The following SYT2 variants were observed in gnomAD, a reference collection of about 807,000 sequenced individuals.
SYT2 encodes synaptotagmin-2.
A neutral mutation model predicts 39.9 loss-of-function variants in SYT2; 15 were observed. The observed-to-expected ratio is 0.38, with a 90% CI of 0.25 to 0.58. SYT2 has a LOEUF of 0.58. Among genes scored for constraint, SYT2 ranks in the 20% least tolerant of loss-of-function variants. The pLI is 0.70. For synonymous variants in SYT2, 181 were observed against 204.5 expected, an observed-to-expected ratio of 0.89 and a Z score of 0.98; for missense variants, 389 against 530.3, an observed-to-expected ratio of 0.73 and a Z score of 2.62.
At chr1:202,662,951 T>C (rs1470390731) in intron 1 of SYT2, among the ~76,000 whole-genome samples, 1 of 152,230 alleles carries the variant, frequency 6.6e-6, no homozygotes, top group Non-Finnish European at 1.5e-5. Flanking sequence ...AATGAGCTTG[T>C]TCTTTCCCAG....
chr1:202,688,276 C>A (rs1653723203), intron 1 of SYT2, among the ~76,000 whole-genome samples: 1 of 152,218 alleles, frequency 6.6e-6, no homozygotes, highest in Admixed American at 6.5e-5. Flanking sequence ...TCCTCCAGCC[C>A]AGAAGTGTGA....
intron 1 of SYT2, among the ~76,000 whole-genome samples, chr1:202,608,353 T>C (rs1332388446): frequency 6.6e-6 from 1 of 151,560 alleles, no homozygotes; most frequent in East Asian, 1.9e-4. Flanking sequence ...AACCACTTAC[T>C]ACAGCCTCCA....
chr1:202,605,433 T>C (rs1478232631), intron 2 of SYT2, 162 bp downstream of exon 2: 16 of 567,802 alleles, frequency 2.8e-5, no homozygotes, highest in Non-Finnish European at 4.9e-5. Flanking sequence ...CAGATCCTAC[T>C]TCCCCCTCCC....
chr1:202,635,547 G>A (rs1691716841), intron 1 of SYT2, among the ~76,000 whole-genome samples: 1 of 152,190 alleles, frequency 6.6e-6, no homozygotes, highest in Non-Finnish European at 1.5e-5. Context: ...GGTGACCTTG[G>A]CCAAGAAACC....
intron 1 of SYT2, among the ~76,000 whole-genome samples, chr1:202,649,604 T>G (rs895937044): frequency 3.9e-5 from 6 of 152,190 alleles, no homozygotes; most frequent in Non-Finnish European, 5.9e-5. Flanking sequence ...GATCTGAACC[T>G]CATCATCGCC....
At chr1:202,609,627 T>G (rs1428328463) in intron 1 of SYT2, among the ~76,000 whole-genome samples, 1 of 152,262 alleles carries the variant, frequency 6.6e-6, no homozygotes, top group African/African-American at 2.4e-5. Flanking sequence ...GATTTGCGTT[T>G]CTCTGATGGC....
At chr1:202,604,926 T>C (rs1485065023) in intron 2 of SYT2, 5 of 317,726 alleles carry the variant, frequency 1.6e-5, no homozygotes, top group South Asian at 9.2e-5. Flanking sequence ...TTTAGCTCTA[T>C]TGAGTTTTAC....
At chr1:202,703,457 C>G (rs1654172887) in intron 1 of SYT2, among the ~76,000 whole-genome samples, 1 of 152,140 alleles carries the variant, frequency 6.6e-6, no homozygotes, top group African/African-American at 2.4e-5. Flanking sequence ...CCTCTCCTGT[C>G]TCTCACATGC....
chr1:202,619,232 G>A (rs1691137371), intron 1 of SYT2, among the ~76,000 whole-genome samples: 1 of 152,202 alleles, frequency 6.6e-6, no homozygotes, highest in South Asian at 2.1e-4. Flanking sequence ...CCAGCTGGAA[G>A]ACTTGAGGAT....
chr1:202,601,783 A>T lies in SYT2; in HGVS notation c.801+107T>A. The T allele has an allele frequency of 8.2e-7, 1 of 1,221,124 alleles. No homozygotes were observed. The highest frequency in any genetic ancestry group is 1.2e-6 in the Non-Finnish European group (1 of 858,230). 75.6% of individuals were successfully genotyped at this position (1,221,124 alleles called of 1,614,324 possible). On this transcript the variant is annotated intron_variant, in intron 6 of 8. Coordinates refer to ENST00000367268, the MANE Select transcript of SYT2 (RefSeq NM_177402.5). The surrounding 1 kb of genome is among the most constrained non-coding windows in gnomAD (Gnocchi z 4.0). ...GGCAGTGTGGAGCTGGGATCCTAAC[A>T]CAGGTCGTCTGCCTCCAAAGCCCAC...
At chr1:202,654,213 G>C (rs2149103235) in intron 1 of SYT2, among the ~76,000 whole-genome samples, 1 of 152,342 alleles carries the variant, frequency 6.6e-6, no homozygotes, top group Non-Finnish European at 1.5e-5. Context: ...CATTGCTTTA[G>C]CTGCTGCTTA....
At chr1:202,624,060 C>G (rs1691274320) in intron 1 of SYT2, among the ~76,000 whole-genome samples, 1 of 152,212 alleles carries the variant, frequency 6.6e-6, no homozygotes, top group Admixed American at 6.5e-5. Context: ...CGATCACCGC[C>G]CCTCTAAGGG....
intron 1 of SYT2, among the ~76,000 whole-genome samples, chr1:202,694,836 A>C (rs1290460410): frequency 4.6e-5 from 7 of 151,938 alleles, no homozygotes; most frequent in Non-Finnish European, 8.8e-5. Flanking sequence ...ATATTTATAT[A>C]AGTTGACTGG....
intron 8 of SYT2, among the ~76,000 whole-genome samples, chr1:202,598,411 T>A (rs960381089): frequency 2.0e-5 from 3 of 152,210 alleles, no homozygotes; most frequent in Non-Finnish European, 4.4e-5. Flanking sequence ...ACATTATCAC[T>A]GAGCTGCCCA....
intron 1 of SYT2, among the ~76,000 whole-genome samples, chr1:202,622,724 G>A (rs1691238702): frequency 6.6e-6 from 1 of 152,060 alleles, no homozygotes; most frequent in African/African-American, 2.4e-5. Context: ...ATGATCAAAG[G>A]TGAAGTTTCC....
chr1:202,599,808 A>T lies in SYT2; in HGVS notation c.920-457T>A, dbSNP rs1192032976. On this transcript the variant is annotated intron_variant, in intron 7 of 8. Coordinates refer to ENST00000367268, the MANE Select transcript of SYT2 (RefSeq NM_177402.5). The surrounding 1 kb of genome is among the most constrained non-coding windows in gnomAD (Gnocchi z 4.4). ...CAGTGACAGAGCCAGGCTGGCACTG[A>T]AACGCGCTGGTTGGAGCCCATGCCC... Among the ~76,000 whole-genome samples the T allele has an allele frequency of 6.6e-6, 1 of 152,244 alleles. No homozygotes were observed. The highest frequency in any genetic ancestry group is 1.5e-5 in the Non-Finnish European group (1 of 68,038).
chr1:202,611,511 A>T (rs1188442392), intron 1 of SYT2, among the ~76,000 whole-genome samples: 1 of 151,802 alleles, frequency 6.6e-6, no homozygotes, highest in African/African-American at 2.4e-5. Context: ...GCTCACCACC[A>T]TGCCTGGCTA....
rs1690128599 is a variant in SYT2, at chr1:202,591,811, C to G, written c.*4946G>C. 1 of 152,876 alleles carries G rather than the reference C, an allele frequency of 6.5e-6. No homozygotes were observed. The highest frequency in any genetic ancestry group is 1.5e-5 in the Non-Finnish European group (1 of 68,244). The allele number at this position is 152,876 out of a possible 1,614,324, so 9.5% of individuals were successfully genotyped here. On this transcript the variant is annotated 3_prime_UTR_variant, in exon 9 of 9. Transcript: ENST00000367268. ...CTGCTGACTGGCTGCTCCTGAAAAT[C>G]CTGGTTGCCTCCACAGGGACCCCAG... is the stretch of plus-strand genomic sequence containing the variant.
chr1:202,706,976 C>A (rs1405801685), intron 1 of SYT2, among the ~76,000 whole-genome samples: 2 of 152,222 alleles, frequency 1.3e-5, no homozygotes, highest in African/African-American at 4.8e-5. Flanking sequence ...GCTCTCGAAG[C>A]TTCCTACATA....
Sources: allele counts gnomAD v4.1 joint callset (sites outside exome capture counted in the v4.1 genomes callset), GRCh38; gene constraint gnomAD v4.1.1; non-coding constraint Gnocchi (gnomAD v3.1); transcripts MANE v1.5; gene names NCBI Gene and HGNC (gene_info 2026-07-23, HGNC 2026-07-21).